Variants in NR3C2 observed in about 807,000 individuals in gnomAD.
The protein encoded by NR3C2 is nuclear receptor subfamily 3 group C member 2.
In NR3C2, 15 loss-of-function variants were observed where a neutral mutation model predicts 86.4. The observed-to-expected ratio is 0.17, with a 90% CI of 0.12 to 0.27. The LOEUF is 0.27. Among genes scored for constraint, NR3C2 ranks in the 10% least tolerant of loss-of-function variants. The pLI is 1.00. For missense variants in NR3C2, 960 were observed against 1,195.6 expected (o/e 0.80, Z 2.91); for synonymous variants, 458 against 450.5 (o/e 1.02, Z -0.21).
chr4:148,317,878 C>A (rs960189063), intron 2 of NR3C2, among the ~76,000 whole-genome samples: 1 of 149,614 alleles, frequency 6.7e-6, no homozygotes, highest in Admixed American at 6.7e-5. Context: ...TTTTCTTTTT[C>A]TTTTTTTTTA....
chr4:148,427,508 C>G (rs1268768225), intron 2 of NR3C2, among the ~76,000 whole-genome samples: 4 of 151,560 alleles, frequency 2.6e-5, no homozygotes, highest in Non-Finnish European at 4.4e-5. Flanking sequence ...TGTGGAAGGT[C>G]AGAGTCAAGC....
At chr4:148,345,990 G>C (rs1579186892) in intron 2 of NR3C2, among the ~76,000 whole-genome samples, 1 of 152,072 alleles carries the variant, frequency 6.6e-6, no homozygotes, top group Non-Finnish European at 1.5e-5. Flanking sequence ...AAAACCATCT[G>C]AGGGACAAAA....
At chr4:148,328,562 C>G (rs894849820) in intron 2 of NR3C2, among the ~76,000 whole-genome samples, 3 of 152,116 alleles carry the variant, frequency 2.0e-5, no homozygotes, top group African/African-American at 7.2e-5. Flanking sequence ...ACCATGCCCC[C>G]CTCAAAAGAC....
At chr4:148,384,621 G>A (rs774354906) in intron 2 of NR3C2, among the ~76,000 whole-genome samples, 3 of 152,160 alleles carry the variant, frequency 2.0e-5, no homozygotes, top group South Asian at 2.1e-4. Flanking sequence ...TTCCCAATAC[G>A]ACAGGTTCTT....
chr4:148,437,485 T>C (rs2126659814), intron 1 of NR3C2, among the ~76,000 whole-genome samples: 1 of 152,346 alleles, frequency 6.6e-6, no homozygotes, highest in South Asian at 2.1e-4. Flanking sequence ...AGATTAGTGA[T>C]GAAGATAATT....
intron 1 of NR3C2, among the ~76,000 whole-genome samples, chr4:148,439,122 C>T (rs1043559426): frequency 1.3e-5 from 2 of 152,076 alleles, no homozygotes; most frequent in African/African-American, 4.8e-5. Context: ...AACTAAAAAA[C>T]AGTGAATTGG....
chr4:148,251,138 T>C (rs1041446639), intron 3 of NR3C2, among the ~76,000 whole-genome samples: 12 of 152,014 alleles, frequency 7.9e-5, no homozygotes, highest in Admixed American at 3.9e-4. Flanking sequence ...ATTGTTCTTT[T>C]TGTAGAAATG....
chr4:148,221,111 G>T (rs1264637071), intron 3 of NR3C2, among the ~76,000 whole-genome samples: 1 of 152,240 alleles, frequency 6.6e-6, no homozygotes, highest in Non-Finnish European at 1.5e-5. Flanking sequence ...GGCTCAAACA[G>T]ACCGCCTCTG....
intron 2 of NR3C2, among the ~76,000 whole-genome samples, chr4:148,292,465 C>G (rs1044468017): frequency 3.1e-4 from 47 of 152,034 alleles, no homozygotes; most frequent in Non-Finnish European, 5.2e-4. Context: ...ATATATAACA[C>G]ATATTAAAAT....
chr4:148,234,533 A>G (rs1738640442), intron 3 of NR3C2, among the ~76,000 whole-genome samples: 1 of 152,062 alleles, frequency 6.6e-6, no homozygotes, highest in African/African-American at 2.4e-5. Context: ...AATACAAAAA[A>G]TTAGCCAGGT....
intron 3 of NR3C2, among the ~76,000 whole-genome samples, chr4:148,209,803 C>G (rs55741361): frequency 0.24 from 36,689 of 152,056 alleles, 4,555 homozygotes; most frequent in South Asian, 0.38. Flanking sequence ...TCTGCCATCT[C>G]CAGATCCCAT....
At chr4:148,318,638 A>AT (rs1743359724) in intron 2 of NR3C2, among the ~76,000 whole-genome samples, 1 of 152,086 alleles carries the variant, frequency 6.6e-6, no homozygotes, top group East Asian at 1.9e-4. Context: ...GATGATGAGC[A>AT]TTTTTTCATG....
At chr4:148,194,447 G>T (rs1736348153) in intron 4 of NR3C2, among the ~76,000 whole-genome samples, 1 of 152,020 alleles carries the variant, frequency 6.6e-6, no homozygotes, top group South Asian at 2.1e-4. Flanking sequence ...ATTAGCTATG[G>T]GTTTATATAA....
At chr4:148,374,888 A>T (rs1746596410) in intron 2 of NR3C2, among the ~76,000 whole-genome samples, 1 of 152,194 alleles carries the variant, frequency 6.6e-6, no homozygotes, top group Non-Finnish European at 1.5e-5. Flanking sequence ...TATAAACATA[A>T]CACCCTCTAC....
chr4:148,155,727 CCAATGACTTTCTTCA>C (rs1734347501), intron 4 of NR3C2, among the ~76,000 whole-genome samples: 1 of 150,316 alleles, frequency 6.7e-6, no homozygotes. Flanking sequence ...CATCAAGCTA[CCAATGACTTTCTTCA>C]CGGAATTGGA....
intron 2 of NR3C2, among the ~76,000 whole-genome samples, chr4:148,411,313 T>C (rs1271310014): frequency 6.6e-6 from 1 of 152,168 alleles, no homozygotes; most frequent in Admixed American, 6.5e-5. Context: ...TAATATAGCA[T>C]CTAACAAAAT....
chr4:148,307,035 G>C (rs1436992557), intron 2 of NR3C2, among the ~76,000 whole-genome samples: 3 of 151,696 alleles, frequency 2.0e-5, no homozygotes, highest in Non-Finnish European at 4.4e-5. Context: ...TCTCTCGAAC[G>C]TGAATATTTT....
chr4:148,254,005 G>T (rs1275793893), intron 3 of NR3C2, among the ~76,000 whole-genome samples: 1 of 151,990 alleles, frequency 6.6e-6, no homozygotes. Flanking sequence ...CCAAGCCTGG[G>T]GAGTCATCCT....
At chr4:148,350,300 C>T (rs945284005) in intron 2 of NR3C2, among the ~76,000 whole-genome samples, 2 of 152,154 alleles carry the variant, frequency 1.3e-5, no homozygotes, top group African/African-American at 4.8e-5. Context: ...CTTTCTGTTG[C>T]TGAATATGGG....
Sources: gnomAD v4.1 joint callset for allele counts (sites outside exome capture counted in the v4.1 genomes callset) on GRCh38, gnomAD v4.1.1 for gene constraint, MANE v1.5 for transcripts, NCBI Gene and HGNC (gene_info 2026-07-23, HGNC 2026-07-21) for gene names.